The following MAPK10 variants were observed in gnomAD, a reference collection of about 807,000 sequenced individuals.
MAPK10 encodes mitogen-activated protein kinase 10.
MAPK10 carries 25 observed loss-of-function variants against 59.3 expected under a neutral mutation model. The observed-to-expected ratio is 0.42, with a 90% CI of 0.31 to 0.59. The LOEUF (loss-of-function observed/expected upper bound fraction) is 0.59, where lower values mean the gene tolerates loss of function less well. Among genes scored for constraint, MAPK10 ranks in the 20% least tolerant of loss-of-function variants. The pLI is 0.15. For synonymous variants in MAPK10, 190 were observed against 200.5 expected (o/e 0.95, Z 0.44); for missense variants, 351 against 568.9 (o/e 0.62, Z 3.90).
chr4:86,334,964 T>TTTTA (rs1720234083), intron 2 of MAPK10: 1 of 151,330 alleles, frequency 6.6e-6, no homozygotes, highest in Non-Finnish European at 1.5e-5. Flanking sequence ...CACATGTATG[T>TTTTA]TATATATATA....
At chr4:86,204,059 G>C (rs1157240345) in intron 2 of MAPK10, among the ~76,000 whole-genome samples, 1 of 151,784 alleles carries the variant, frequency 6.6e-6, no homozygotes, top group African/African-American at 2.4e-5. Context: ...ATTGTCGATG[G>C]CTGCTTTCAC....
At chr4:86,350,657 T>C (rs1259269842) in intron 2 of MAPK10, among the ~76,000 whole-genome samples, 1 of 152,164 alleles carries the variant, frequency 6.6e-6, no homozygotes, top group Non-Finnish European at 1.5e-5. Context: ...GCCAGAAGTA[T>C]GGCATGTCTT....
intron 1 of MAPK10, among the ~76,000 whole-genome samples, chr4:86,546,489 G>A (rs989952631): frequency 4.0e-5 from 6 of 151,814 alleles, no homozygotes; most frequent in Non-Finnish European, 8.8e-5. Context: ...CCTGGGAAGC[G>A]GAGGTTGCAG....
intron 1 of MAPK10, among the ~76,000 whole-genome samples, chr4:86,528,186 G>C (rs1345775486): frequency 1.3e-5 from 2 of 152,048 alleles, no homozygotes; most frequent in African/African-American, 4.8e-5. Flanking sequence ...AAAACACACA[G>C]AGAGAAAAGG....
At chr4:86,457,838 G>C (rs1214099350), upstream of MAPK10, 1 of 152,068 alleles carries the variant, frequency 6.6e-6, no homozygotes, top group African/African-American at 2.4e-5. Context: ...CCAAAAAAGA[G>C]CCTACATAGC....
At chr4:86,327,397 T>C (rs865774454) in intron 2 of MAPK10, 4 of 152,028 alleles carry the variant, frequency 2.6e-5, no homozygotes, top group African/African-American at 9.7e-5. Context: ...CCCCAAAAAA[T>C]TATCTCACTT....
Position 86,437,178 on chromosome 4 carries a change from C to A in MAPK10, c.-122+15852G>T, listed in dbSNP as rs59679748. The stretch of plus-strand genomic sequence containing the variant: ...GCAGTGAGCCAAGATCACGCCACTG[C>A]ACTCCAGCCTGGGCGACAGAGTGAG... On this transcript the variant is annotated intron_variant, in intron 1 of 13. Coordinates refer to the MAPK10 transcript ENST00000361569. 1.3e-3 allele frequency among the ~76,000 whole-genome samples: 193 copies of A among 146,632 alleles called. 1 individual carries two copies. Among genetic ancestry groups the A allele is most frequent in the African/African-American group, 4.7e-3 (186 of 39,266 alleles).
intron 2 of MAPK10, among the ~76,000 whole-genome samples, chr4:86,207,762 T>C (rs1354020877): frequency 3.3e-5 from 5 of 152,092 alleles, no homozygotes; most frequent in Non-Finnish European, 7.4e-5. Context: ...AAGTCCTTCA[T>C]GTCCCTTGTA....
At chr4:86,107,404 C>A (rs1173169981) in intron 4 of MAPK10, 52 bp from the exon 5 acceptor site, 9 of 1,579,136 alleles carry the variant, frequency 5.7e-6, no homozygotes, top group Non-Finnish European at 7.7e-6. Flanking sequence ...TTCCTTAGAA[C>A]TCTTGCCTAC....
intron 11 of MAPK10, among the ~76,000 whole-genome samples, chr4:86,062,062 C>T (rs1322130112): frequency 6.6e-6 from 1 of 152,158 alleles, no homozygotes; most frequent in Non-Finnish European, 1.5e-5. Context: ...CCTTCAGGAT[C>T]TTTCTCTTCT....
chr4:86,075,272 G>A (rs1259978944), intron 9 of MAPK10, among the ~76,000 whole-genome samples: 2 of 151,788 alleles, frequency 1.3e-5, no homozygotes, highest in Non-Finnish European at 2.9e-5. Context: ...TCTCTGTATT[G>A]GTTATTCTAG....
chr4:86,342,455 C>A (rs1456885816), intron 2 of MAPK10, among the ~76,000 whole-genome samples: 2 of 152,248 alleles, frequency 1.3e-5, no homozygotes, highest in African/African-American at 4.8e-5. Flanking sequence ...ATTTACATAG[C>A]AGCCTTCAAC....
intron 1 of MAPK10, among the ~76,000 whole-genome samples, chr4:86,554,419 A>G (rs992606932): frequency 6.6e-6 from 1 of 152,202 alleles, no homozygotes; most frequent in Admixed American, 6.5e-5. Flanking sequence ...TTAAAAAAGA[A>G]GACTGGAGTA....
intron 3 of MAPK10, among the ~76,000 whole-genome samples, chr4:86,188,460 C>T (rs1019715537): frequency 6.6e-6 from 1 of 152,178 alleles, no homozygotes; most frequent in Non-Finnish European, 1.5e-5. Flanking sequence ...GAGATGTTAT[C>T]TCATTGTGGT....
rs189892564 is a variant in MAPK10 at position 86,137,160 on chromosome 4, G to T, written c.236+22138C>A. On this transcript the variant is annotated intron_variant, in intron 4 of 13. Transcript: ENST00000641462. Reference sequence around the variant, plus strand: ...AGGTCAACAAGGATACCCAGGAATTGAACTCAGCTCTGCACCAAGCGGACC... The same window carrying T: ...AGGTCAACAAGGATACCCAGGAATTTAACTCAGCTCTGCACCAAGCGGACC... Among the ~76,000 whole-genome samples, 1,422 of 151,520 alleles carry T rather than the reference G, an allele frequency of 9.4e-3. 23 individuals are homozygous for T. Among genetic ancestry groups the T allele is most frequent in the African/African-American group, 0.033 (1,344 of 40,922 alleles).
At chr4:86,103,350 G>A (rs1236047102) in intron 5 of MAPK10, 106 bp from the exon 6 acceptor site, 3 of 650,906 alleles carry the variant, frequency 4.6e-6, no homozygotes, top group East Asian at 5.7e-5. Context: ...TAGTGCTATG[G>A]CAGAAATGGA....
At chr4:86,176,799 T>C (rs1311674026) in intron 3 of MAPK10, among the ~76,000 whole-genome samples, 1 of 152,122 alleles carries the variant, frequency 6.6e-6, no homozygotes, top group Non-Finnish European at 1.5e-5. Flanking sequence ...ACCGTTATCA[T>C]GACAGTACAG....
intron 3 of MAPK10, among the ~76,000 whole-genome samples, chr4:86,181,626 T>C (rs2076955395): frequency 6.6e-6 from 1 of 152,126 alleles, no homozygotes; most frequent in South Asian, 2.1e-4. Flanking sequence ...ACTTAGGAAA[T>C]GGTGTTTTTC....
chr4:86,586,733 C>T (rs933396840), intron 1 of MAPK10, among the ~76,000 whole-genome samples: 1 of 152,134 alleles, frequency 6.6e-6, no homozygotes, highest in Non-Finnish European at 1.5e-5. Flanking sequence ...TAGATGGTTG[C>T]TTTTATGGTG....
Sources: allele counts gnomAD v4.1 joint callset (sites outside exome capture counted in the v4.1 genomes callset), GRCh38; gene constraint gnomAD v4.1.1; transcripts MANE v1.5; gene names NCBI Gene and HGNC (gene_info 2026-07-23, HGNC 2026-07-21).